Variants in SYN3 observed in about 807,000 individuals in gnomAD.
SYN3 encodes the protein synapsin-3.
In SYN3, 35 loss-of-function variants were observed where a neutral mutation model predicts 65.8. That is an observed-to-expected ratio of 0.53 (90% CI 0.41 to 0.70). SYN3 has a LOEUF of 0.70. Ranked by LOEUF, SYN3 falls within the 30% of genes least tolerant of loss-of-function variation. The pLI is 0.00. For missense variants in SYN3, 680 were observed against 749.0 expected (o/e 0.91, Z 1.08); for synonymous variants, 270 against 292.9 (o/e 0.92, Z 0.80).
chr22:32,561,102 G>A (rs1187181158), intron 7 of SYN3, among the ~76,000 whole-genome samples: 1 of 152,192 alleles, frequency 6.6e-6, no homozygotes, highest in African/African-American at 2.4e-5. Context: ...CTTGTGGACA[G>A]CCCCAGTCAG....
chr22:32,744,740 G>T (rs539576022), intron 6 of SYN3, among the ~76,000 whole-genome samples: 2 of 152,252 alleles, frequency 1.3e-5, no homozygotes, highest in South Asian at 2.1e-4. Context: ...CAGAAACCCC[G>T]CTGAGAACTA....
intron 6 of SYN3, among the ~76,000 whole-genome samples, chr22:32,628,747 T>TAA (rs944304154): frequency 2.9e-5 from 4 of 139,644 alleles, no homozygotes; most frequent in Non-Finnish European, 3.1e-5. Flanking sequence ...AGACTTCGTC[T>TAA]AAAAAAAAAA....
chr22:33,016,845 T>C (rs1428328368), intron 1 of SYN3, among the ~76,000 whole-genome samples: 2 of 151,812 alleles, frequency 1.3e-5, no homozygotes, highest in African/African-American at 4.8e-5. Flanking sequence ...TTTCTCCCAA[T>C]CTCTGGGTTG....
At chr22:32,817,571 C>T (rs1425020412) in intron 6 of SYN3, among the ~76,000 whole-genome samples, 2 of 152,094 alleles carry the variant, frequency 1.3e-5, no homozygotes, top group African/African-American at 4.8e-5. Context: ...TGTAGTGGTG[C>T]CAGTGGGTGC....
chr22:32,640,259 C>A (rs1001387701), intron 6 of SYN3, among the ~76,000 whole-genome samples: 12 of 152,172 alleles, frequency 7.9e-5, no homozygotes, highest in Non-Finnish European at 1.8e-4. Context: ...AGCATTTATC[C>A]CATGCCTCTC....
chr22:32,828,540 A>G (rs188835572), intron 6 of SYN3, among the ~76,000 whole-genome samples: 1 of 152,322 alleles, frequency 6.6e-6, no homozygotes, highest in African/African-American at 2.4e-5. Context: ...TCTAGGCCAC[A>G]GGCAGGGCAT....
intron 4 of SYN3, among the ~76,000 whole-genome samples, chr22:32,878,920 C>G (rs527613703): frequency 1.8e-4 from 27 of 152,134 alleles, no homozygotes; most frequent in African/African-American, 6.0e-4. Flanking sequence ...CCTGCATGGC[C>G]CTTGTGACTT....
At chr22:33,034,095 A>G (rs1484882809) in intron 1 of SYN3, among the ~76,000 whole-genome samples, 1 of 151,426 alleles carries the variant, frequency 6.6e-6, no homozygotes, top group Non-Finnish European at 1.5e-5. Context: ...CTGAGGCAAG[A>G]GAATCACTTG....
At chr22:32,667,521 GCA>G (rs1204908922) in intron 6 of SYN3, among the ~76,000 whole-genome samples, 1 of 152,122 alleles carries the variant, frequency 6.6e-6, no homozygotes, top group African/African-American at 2.4e-5. Flanking sequence ...CCGTCTTTGC[GCA>G]CTTGCTTAGG....
chr22:32,798,089 TTAGC>T (rs2046472117), intron 6 of SYN3, among the ~76,000 whole-genome samples: 1 of 152,212 alleles, frequency 6.6e-6, no homozygotes, highest in Non-Finnish European at 1.5e-5. Context: ...TTGGAATGCA[TTAGC>T]TAGTAATTTA....
chr22:32,754,807 G>C (rs1259516794), intron 6 of SYN3, among the ~76,000 whole-genome samples: 2 of 152,230 alleles, frequency 1.3e-5, no homozygotes, highest in African/African-American at 4.8e-5. Context: ...AAAGTCTCCA[G>C]ATTGAGAAAT....
intron 6 of SYN3, among the ~76,000 whole-genome samples, chr22:32,599,446 C>T (rs1468117132): frequency 2.6e-5 from 4 of 151,990 alleles, no homozygotes; most frequent in African/African-American, 2.4e-5. Context: ...CTCAGCCTCC[C>T]GAGTAGCTGG....
chr22:32,648,859 C>T (rs530531063), intron 6 of SYN3, among the ~76,000 whole-genome samples: 1 of 152,322 alleles, frequency 6.6e-6, no homozygotes, highest in Admixed American at 6.5e-5. Flanking sequence ...AGGTGCCACA[C>T]AACAGTCATT....
At chr22:32,561,603 G>A (rs1569039703) in intron 7 of SYN3, among the ~76,000 whole-genome samples, 1 of 152,330 alleles carries the variant, frequency 6.6e-6, no homozygotes, top group East Asian at 1.9e-4. Flanking sequence ...TTCCTTCCAT[G>A]TGGAGGGAAC....
intron 1 of SYN3, among the ~76,000 whole-genome samples, chr22:33,049,661 CCTCTTAGTCGGGAAGACAAAGAACA>C (rs2054127319): frequency 6.6e-6 from 1 of 152,326 alleles, no homozygotes; most frequent in South Asian, 2.1e-4. Context: ...TGGAAGCATG[CCTCTTAGTCGGGAAGACAAAGAACA>C]AAAACCACAC....
chr22:32,819,208 T>C (rs2047169260), intron 6 of SYN3, among the ~76,000 whole-genome samples: 1 of 152,238 alleles, frequency 6.6e-6, no homozygotes, highest in African/African-American at 2.4e-5. Context: ...GGCTTGGCCT[T>C]GCAGGCCGGT....
At chr22:32,545,468 A>G (rs977725799) in intron 7 of SYN3, among the ~76,000 whole-genome samples, 1 of 151,914 alleles carries the variant, frequency 6.6e-6, no homozygotes. Flanking sequence ...CCCTCTGGGA[A>G]CCCTTCTCTT....
chr22:32,759,346 G>A (rs1382261287), intron 6 of SYN3, among the ~76,000 whole-genome samples: 1 of 152,110 alleles, frequency 6.6e-6, no homozygotes, highest in African/African-American at 2.4e-5. Flanking sequence ...GCTCTTGAAA[G>A]GACCAAATAT....
At chr22:32,569,590 A>ATATATATATATATATATAT (rs1569048509) in intron 7 of SYN3, among the ~76,000 whole-genome samples, 15 of 92,524 alleles carry the variant, frequency 1.6e-4, no homozygotes, top group African/African-American at 5.0e-4. Context: ...TATATATATA[A>ATATATATATATATATATAT]AATCTATCTA....
Sources: allele counts gnomAD v4.1 joint callset (sites outside exome capture counted in the v4.1 genomes callset), GRCh38; gene constraint gnomAD v4.1.1; transcripts MANE v1.5; gene names NCBI Gene and HGNC (gene_info 2026-07-23, HGNC 2026-07-21).